The following ZFPM2 variants were observed in gnomAD, a reference collection of about 807,000 sequenced individuals.
ZFPM2 encodes the protein zinc finger protein, FOG family member 2.
ZFPM2 carries 20 observed loss-of-function variants against 98.6 expected under a neutral mutation model. That is an observed-to-expected ratio of 0.20 (90% confidence interval 0.14 to 0.29). ZFPM2 has a LOEUF of 0.29. Among genes scored for constraint, ZFPM2 ranks in the 10% least tolerant of loss-of-function variants. The probability of loss-of-function intolerance (pLI) is 1.00; values close to 1 mark genes in which losing one functional copy is unlikely to be tolerated. For synonymous variants in ZFPM2, 518 were observed against 502.7 expected (o/e 1.03, Z -0.41); for missense variants, 1,310 against 1,388.6 (o/e 0.94, Z 0.90).
At chr8:105,350,978 T>A (rs1181145140) in intron 1 of ZFPM2, among the ~76,000 whole-genome samples, 2 of 151,142 alleles carry the variant, frequency 1.3e-5, no homozygotes, top group African/African-American at 2.4e-5. Context: ...AGATCAGGAG[T>A]TCGAGACCAG....
chr8:105,330,593 T>TATACATATATATATATAC (rs1491107072), intron 1 of ZFPM2, among the ~76,000 whole-genome samples: 21 of 40,390 alleles, frequency 5.2e-4, no homozygotes, highest in African/African-American at 1.8e-3. Context: ...TATATATATA[T>TATACATATATATATATAC]ACATATATAT....
chr8:105,793,164 C>T (rs1586273139), intron 6 of ZFPM2, among the ~76,000 whole-genome samples: 1 of 151,820 alleles, frequency 6.6e-6, no homozygotes, highest in African/African-American at 2.4e-5. Context: ...TTAGTTGATG[C>T]AGTTTCTTCC....
chr8:105,425,435 C>T (rs1336146636), intron 2 of ZFPM2, among the ~76,000 whole-genome samples: 2 of 152,192 alleles, frequency 1.3e-5, no homozygotes, highest in Admixed American at 6.5e-5. Context: ...GTTTCCAGAA[C>T]AGCAGTTTGG....
chr8:105,796,492 T>TAAAC (rs1813820247), intron 6 of ZFPM2, among the ~76,000 whole-genome samples: 1 of 152,222 alleles, frequency 6.6e-6, no homozygotes, highest in South Asian at 2.1e-4. Context: ...GGTTAAATAA[T>TAAAC]AAACAGTAGT....
chr8:105,370,807 T>A (rs1023063000), intron 1 of ZFPM2, among the ~76,000 whole-genome samples: 4 of 152,230 alleles, frequency 2.6e-5, no homozygotes, highest in Non-Finnish European at 4.4e-5. Context: ...AAAGGTGAAG[T>A]AATTTGCTCA....
chr8:105,407,276 C>T (rs1322283219), intron 1 of ZFPM2, among the ~76,000 whole-genome samples: 2 of 151,716 alleles, frequency 1.3e-5, no homozygotes, highest in African/African-American at 4.8e-5. Context: ...ATTATTCACA[C>T]ATAAAAACCA....
intron 4 of ZFPM2, among the ~76,000 whole-genome samples, chr8:105,593,229 C>T (rs958417254): frequency 4.6e-5 from 7 of 151,824 alleles, no homozygotes; most frequent in African/African-American, 1.7e-4. Flanking sequence ...TTCAGGGAGC[C>T]CAGGAATGTA....
rs558008978 is a variant in ZFPM2 at position 105,536,355 on chromosome 8, G to T, written c.302-25008G>T. On this transcript the variant is annotated intron_variant, in intron 3 of 7. Transcript: ENST00000407775. ...CTAATATATTAAGGAAAAGAGACTC[G>T]TATTTAAGTAAATTTTTAATGTTCT... Among the ~76,000 whole-genome samples, 11 of 151,922 alleles carry T rather than the reference G, an allele frequency of 7.2e-5. No individual in the cohort carries two copies. In the South Asian group the frequency reaches 2.1e-3, roughly 29 times the overall value.
At position 105,660,301 on chromosome 8, in the gene ZFPM2, AC is replaced by A. The variant is rs372813954; in HGVS notation, c.532+25948del. On this transcript the variant is annotated intron_variant, in intron 5 of 7. Transcript: ENST00000407775. ...TTCCAGAGGGGAAAACCTTCCTGGA[AC>A]CCCAGCCAAACTCCATCTCAGCTGC... Among the ~76,000 whole-genome samples, 298 of 152,164 alleles carry A rather than the reference AC, an allele frequency of 2.0e-3. 2 individuals are homozygous for A. The highest frequency in any genetic ancestry group is 6.8e-3 in the African/African-American group (284 of 41,508).
intron 3 of ZFPM2, among the ~76,000 whole-genome samples, chr8:105,468,610 C>T (rs1360087388): frequency 2.0e-5 from 3 of 152,060 alleles, no homozygotes; most frequent in South Asian, 2.1e-4. Flanking sequence ...TCTGGCTTAT[C>T]GTTGCTTTAC....
intron 5 of ZFPM2, among the ~76,000 whole-genome samples, chr8:105,757,786 C>T (rs1812638258): frequency 6.6e-6 from 1 of 152,124 alleles, no homozygotes; most frequent in Admixed American, 6.6e-5. Context: ...CCTCCTCGTT[C>T]TGGGCTTCTG....
chr8:105,801,036 T>A lies in ZFPM2; in HGVS notation c.965-11T>A, dbSNP rs189501457. ...TGTTTCTCATTGTTCTTATTTTGTATGTCTCTCTAGGAGTGAAAATGGAAG... is the reference window on the plus strand; with the variant it reads ...TGTTTCTCATTGTTCTTATTTTGTAAGTCTCTCTAGGAGTGAAAATGGAAG... On this transcript the variant is annotated splice_polypyrimidine_tract_variant and intron_variant, in intron 7 of 7. Coordinates refer to ENST00000407775, the MANE Select transcript of ZFPM2 (RefSeq NM_012082.4). 61 of 1,595,544 alleles carry A rather than the reference T, an allele frequency of 3.8e-5. No homozygotes were observed. Among genetic ancestry groups the A allele is most frequent in the Non-Finnish European group, 4.8e-5 (56 of 1,168,468 alleles).
intron 1 of ZFPM2, among the ~76,000 whole-genome samples, chr8:105,372,150 C>G (rs1810636547): frequency 6.6e-6 from 1 of 152,008 alleles, no homozygotes; most frequent in South Asian, 2.1e-4. Context: ...TCACGCCATT[C>G]TCCTGCCTCA....
At chr8:105,379,951 T>C (rs888724649) in intron 1 of ZFPM2, among the ~76,000 whole-genome samples, 7 of 152,154 alleles carry the variant, frequency 4.6e-5, no homozygotes, top group African/African-American at 1.7e-4. Context: ...GGTCTTGATC[T>C]TATTCATTAT....
At chr8:105,589,887 AATTTTTGT>A (rs1425579073) in intron 4 of ZFPM2, among the ~76,000 whole-genome samples, 1 of 136,334 alleles carries the variant, frequency 7.3e-6, no homozygotes. Flanking sequence ...AAGTCTGGCT[AATTTTTGT>A]ATTTTTTAGT....
At chr8:105,494,802 C>G (rs1050521433) in intron 3 of ZFPM2, among the ~76,000 whole-genome samples, 1 of 152,056 alleles carries the variant, frequency 6.6e-6, no homozygotes, top group Non-Finnish European at 1.5e-5. Flanking sequence ...AAACCTTTTT[C>G]TGTTTGAGTC....
At chr8:105,320,452 A>G (rs1368379147) in intron 1 of ZFPM2, among the ~76,000 whole-genome samples, 1 of 149,952 alleles carries the variant, frequency 6.7e-6, no homozygotes, top group Non-Finnish European at 1.5e-5. Context: ...GTTTTTGAAG[A>G]CTCACTTTTT....
intron 5 of ZFPM2, among the ~76,000 whole-genome samples, chr8:105,684,186 G>A (rs1027072554): frequency 2.6e-5 from 4 of 152,178 alleles, no homozygotes; most frequent in African/African-American, 7.2e-5. Context: ...GAGAATAACC[G>A]AGTTATACTT....
At chr8:105,781,268 C>T (rs1813241953) in intron 5 of ZFPM2, among the ~76,000 whole-genome samples, 1 of 147,080 alleles carries the variant, frequency 6.8e-6, no homozygotes, top group South Asian at 2.1e-4. Context: ...TTTTAATGTC[C>T]AGCTAAACTT....
Sources: allele counts gnomAD v4.1 joint callset (sites outside exome capture counted in the v4.1 genomes callset), GRCh38; gene constraint gnomAD v4.1.1; transcripts MANE v1.5; gene names NCBI Gene and HGNC (gene_info 2026-07-23, HGNC 2026-07-21).